Variants in SEMA3C observed in about 807,000 individuals in gnomAD.
SEMA3C encodes the protein semaphorin 3C, also known as semaphorin-3C.
In SEMA3C, 47 loss-of-function variants were observed where a neutral mutation model predicts 89.4. The observed-to-expected ratio is 0.53, with a 90% CI of 0.42 to 0.67. SEMA3C has a LOEUF of 0.67. SEMA3C is among the 30% of genes least tolerant of loss of function. The pLI is 0.00. For synonymous variants in SEMA3C, 310 were observed against 320.2 expected (o/e 0.97, Z 0.34); for missense variants, 839 against 929.1 (o/e 0.90, Z 1.26).
At chr7:80,746,718 G>GGGGTGT (rs149678378) in intron 17 of SEMA3C, among the ~76,000 whole-genome samples, 2 of 143,028 alleles carry the variant, frequency 1.4e-5, no homozygotes, top group African/African-American at 5.1e-5. Flanking sequence ...ATTGAAGTGG[G>GGGGTGT]GTGTGTGTGT....
intron 9 of SEMA3C, among the ~76,000 whole-genome samples, chr7:80,801,596 A>T (rs1789209683): frequency 6.6e-6 from 1 of 152,106 alleles, no homozygotes; most frequent in Non-Finnish European, 1.5e-5. Flanking sequence ...ACACAAAGAA[A>T]TATGTATTTA....
intron 4 of SEMA3C, among the ~76,000 whole-genome samples, chr7:80,820,409 AAAAC>A (rs1789719041): frequency 6.6e-6 from 1 of 152,030 alleles, no homozygotes; most frequent in Admixed American, 6.6e-5. Context: ...ATTTAAAACT[AAAAC>A]AAAATAAATG....
chr7:80,825,874 C>T (rs946686032), intron 4 of SEMA3C, among the ~76,000 whole-genome samples: 2 of 152,146 alleles, frequency 1.3e-5, no homozygotes, highest in African/African-American at 4.8e-5. Flanking sequence ...CAACATTATA[C>T]TTCATTCTAC....
chr7:80,890,765 G>C (rs1791592655), intron 2 of SEMA3C, among the ~76,000 whole-genome samples: 1 of 152,156 alleles, frequency 6.6e-6, no homozygotes, highest in Non-Finnish European at 1.5e-5. Flanking sequence ...TAGCTAATAT[G>C]ATATTATTTG....
At chr7:80,759,395 C>A (rs17154411) in intron 14 of SEMA3C, among the ~76,000 whole-genome samples, 16,728 of 152,092 alleles carry the variant, frequency 0.11, 969 homozygotes, top group Admixed American at 0.15. Flanking sequence ...TCTGGAGACA[C>A]CATGGGCCCG....
At chr7:80,797,888 C>T (rs1216681897) in intron 11 of SEMA3C, among the ~76,000 whole-genome samples, 1 of 152,022 alleles carries the variant, frequency 6.6e-6, no homozygotes, top group Non-Finnish European at 1.5e-5. Context: ...ATCCCAGTTA[C>T]TTAGGAGGCT....
At chr7:80,859,651 T>C (rs1445227676) in intron 2 of SEMA3C, among the ~76,000 whole-genome samples, 2 of 152,200 alleles carry the variant, frequency 1.3e-5, no homozygotes, top group Non-Finnish European at 2.9e-5. Flanking sequence ...ATATTAACAA[T>C]AGTTTGGCGG....
intron 12 of SEMA3C, 101 bp from the exon 13 acceptor site, chr7:80,765,344 T>G (rs1788274896): frequency 1.2e-6 from 1 of 820,554 alleles, no homozygotes; most frequent in Admixed American, 2.5e-5. Context: ...CATAAGTATT[T>G]AGTAATCAAA....
At chr7:80,863,130 G>A (rs73374826) in intron 2 of SEMA3C, among the ~76,000 whole-genome samples, 1 of 151,922 alleles carries the variant, frequency 6.6e-6, no homozygotes, top group Non-Finnish European at 1.5e-5. Context: ...AAAAGGAACA[G>A]CTGAAGCTGG....
chr7:80,865,785 C>T (rs1332715016), intron 2 of SEMA3C, among the ~76,000 whole-genome samples: 1 of 152,000 alleles, frequency 6.6e-6, no homozygotes, highest in African/African-American at 2.4e-5. Flanking sequence ...AAGGGCGAGA[C>T]TCCATCTCAG....
intron 5 of SEMA3C, among the ~76,000 whole-genome samples, chr7:80,817,349 A>AT (rs1789632713): frequency 6.6e-6 from 1 of 152,142 alleles, no homozygotes. Context: ...AGACATATTT[A>AT]TTTTTTTCAA....
At chr7:80,873,664 T>C (rs1791127563) in intron 2 of SEMA3C, among the ~76,000 whole-genome samples, 1 of 152,212 alleles carries the variant, frequency 6.6e-6, no homozygotes, top group African/African-American at 2.4e-5. Flanking sequence ...AAAGTCACTA[T>C]CCTCACTGCA....
intron 2 of SEMA3C, chr7:80,915,798 A>G (rs1362218885): frequency 6.6e-6 from 1 of 152,106 alleles, no homozygotes; most frequent in Non-Finnish European, 1.5e-5. Context: ...TCTGCTATAG[A>G]AAGGTCTGAG....
At chr7:80,808,040 T>A (rs1463917009) in intron 6 of SEMA3C, among the ~76,000 whole-genome samples, 1 of 152,150 alleles carries the variant, frequency 6.6e-6, no homozygotes, top group African/African-American at 2.4e-5. Context: ...AAAAGTAGTA[T>A]AGGAACATGA....
At position 80,749,043 on chromosome 7, in the gene SEMA3C, TA is replaced by T. The variant is rs747579403; in HGVS notation, c.1712-16del. 4.4e-6 allele frequency: 7 copies of T among 1,588,500 alleles called. No individual in the cohort carries two copies. The highest frequency in any genetic ancestry group is 6.0e-6 in the Non-Finnish European group (7 of 1,169,502). On this transcript the variant is annotated splice_polypyrimidine_tract_variant and intron_variant, in intron 16 of 17. Coordinates refer to ENST00000265361, the MANE Select transcript of SEMA3C (RefSeq NM_006379.5). ...ATTTCTGTATGCTAGCAGGCAAAAA[TA>T]AAAGGCGAGAGAGAAAGAAAGAACA...
chr7:80,885,001 C>T (rs1020569180), intron 2 of SEMA3C, among the ~76,000 whole-genome samples: 2 of 152,150 alleles, frequency 1.3e-5, no homozygotes, highest in Admixed American at 6.5e-5. Context: ...AAATATTTTA[C>T]TGTTGAGTAG....
chr7:80,895,062 T>C (rs1791701102), intron 2 of SEMA3C, among the ~76,000 whole-genome samples: 1 of 152,176 alleles, frequency 6.6e-6, no homozygotes, highest in Admixed American at 6.5e-5. Flanking sequence ...CACCACCTGA[T>C]TTCTTCCTTA....
At chr7:80,897,338 T>C (rs76775908) in intron 2 of SEMA3C, among the ~76,000 whole-genome samples, 1,617 of 152,262 alleles carry the variant, frequency 0.011, 25 homozygotes, top group African/African-American at 0.037. Context: ...CCTTTCCTTG[T>C]TCCTTGAATA....
chr7:80,798,955 A>G (rs1789132268), intron 10 of SEMA3C, among the ~76,000 whole-genome samples: 2 of 152,226 alleles, frequency 1.3e-5, no homozygotes, highest in Non-Finnish European at 2.9e-5. Context: ...TCCCATAAAA[A>G]CAAGTAAGAT....
Sources: allele counts gnomAD v4.1 joint callset (sites outside exome capture counted in the v4.1 genomes callset), GRCh38; gene constraint gnomAD v4.1.1; transcripts MANE v1.5; gene names NCBI Gene and HGNC (gene_info 2026-07-23, HGNC 2026-07-21).